The following SCAPER variants were observed in gnomAD, a reference collection of about 807,000 sequenced individuals.
The protein encoded by SCAPER is S phase cyclin A-associated protein in the endoplasmic reticulum.
A neutral mutation model predicts 182.2 loss-of-function variants in SCAPER; 98 were observed. The ratio of observed to expected loss-of-function variants is 0.54; its 90% CI spans 0.46 to 0.64. The LOEUF (loss-of-function observed/expected upper bound fraction) is 0.64, where lower values mean the gene tolerates loss of function less well. SCAPER is among the 30% of genes least tolerant of loss of function. The pLI is 0.00. For missense variants in SCAPER, 1,432 were observed against 1,690.0 expected (o/e 0.85, Z 2.68); for synonymous variants, 605 against 564.6 (o/e 1.07, Z -1.01).
intron 2 of SCAPER, among the ~76,000 whole-genome samples, chr15:76,870,010 T>C (rs892600740): frequency 2.0e-5 from 3 of 152,146 alleles, no homozygotes; most frequent in Admixed American, 6.5e-5. Flanking sequence ...AGAACTATCA[T>C]ATGTTCTCCC....
intron 5 of SCAPER, among the ~76,000 whole-genome samples, chr15:76,838,603 C>A (rs1421801329): frequency 3.3e-5 from 5 of 152,166 alleles, no homozygotes; most frequent in Non-Finnish European, 7.3e-5. Flanking sequence ...GCTACTCCAG[C>A]AAGTCTACTG....
At chr15:76,790,420 G>A (rs759570300) in intron 8 of SCAPER, among the ~76,000 whole-genome samples, 18 of 152,196 alleles carry the variant, frequency 1.2e-4, no homozygotes, top group Non-Finnish European at 8.8e-5. Context: ...AAGCCATCTT[G>A]ACCTGGAATG....
chr15:76,522,624 C>A (rs2144332346), intron 23 of SCAPER, among the ~76,000 whole-genome samples: 1 of 152,122 alleles, frequency 6.6e-6, no homozygotes, highest in East Asian at 1.9e-4. Context: ...ATAAGTATTT[C>A]AACCATAAAG....
chr15:76,658,614 C>T (rs975124203), intron 21 of SCAPER, among the ~76,000 whole-genome samples: 4 of 152,022 alleles, frequency 2.6e-5, no homozygotes, highest in African/African-American at 9.7e-5. Flanking sequence ...AGCAATCCTA[C>T]GTAAAAGAAC....
In SCAPER at chr15:76,348,616, A is replaced by G. The variant is rs1566969704; in HGVS notation, c.*17T>C. On this transcript the variant is annotated 3_prime_UTR_variant, in exon 32 of 32. Coordinates refer to ENST00000563290, the MANE Select transcript of SCAPER (RefSeq NM_020843.4). ...AATATTAACAAGGGTACTCAAATAC[A>G]GAATCAACCAAAACATTTATTTTTT... 6.7e-7 allele frequency: 1 copy of G among 1,482,318 alleles called. No individual in the cohort carries two copies. 91.8% of individuals were successfully genotyped at this position (1,482,318 alleles called of 1,614,324 possible). A position where few individuals can be genotyped will look rare whatever the true frequency, so the allele number is the denominator to read the frequency against.
rs556885335 is a variant in SCAPER at position 76,693,882 on chromosome 15, G to C, written c.2508+7876C>G. Among the ~76,000 whole-genome samples, 3 of 146,642 alleles carry C rather than the reference G, an allele frequency of 2.0e-5. No homozygotes were observed. The East Asian group carries it at 5.8e-4, about 28-fold the overall frequency. On this transcript the variant is annotated intron_variant, in intron 20 of 31. Transcript: ENST00000563290. ...TAGGCACAGAGTTTCAGATGTTCAA[G>C]ATAAAAAGAGTTCTGTGGATTAACA...
At chr15:76,665,534 G>GTA (rs1382485851) in intron 21 of SCAPER, 119 bp downstream of exon 21, 2 of 1,230,272 alleles carry the variant, frequency 1.6e-6, no homozygotes, top group African/African-American at 3.1e-5. Context: ...GCTCATCAGT[G>GTA]TTATTTCCAA....
chr15:76,559,212 T>A (rs1227267844), intron 23 of SCAPER, among the ~76,000 whole-genome samples: 1,473 of 146,844 alleles, frequency 0.01, 17 homozygotes, highest in Non-Finnish European at 0.013. Flanking sequence ...TTTTTTTTTT[T>A]TTTTTTTTTT....
intron 27 of SCAPER, among the ~76,000 whole-genome samples, chr15:76,402,080 T>C (rs2044500299): frequency 6.6e-6 from 1 of 152,122 alleles, no homozygotes; most frequent in African/African-American, 2.4e-5. Context: ...TGAGCTGAGA[T>C]AGTGCCTCTG....
At chr15:76,713,342 C>A (rs531037301) in intron 17 of SCAPER, among the ~76,000 whole-genome samples, 3 of 151,776 alleles carry the variant, frequency 2.0e-5, no homozygotes, top group Non-Finnish European at 4.4e-5. Context: ...ATGTTTATTG[C>A]GGCACTATTC....
chr15:76,552,690 G>C (rs1479425777), intron 23 of SCAPER, among the ~76,000 whole-genome samples: 3 of 152,102 alleles, frequency 2.0e-5, no homozygotes, highest in African/African-American at 4.8e-5. Flanking sequence ...GCAGTCTAGG[G>C]GTTTGCTGCA....
chr15:76,366,306 A>G (rs966531059), intron 29 of SCAPER, among the ~76,000 whole-genome samples: 2 of 152,220 alleles, frequency 1.3e-5, no homozygotes, highest in African/African-American at 4.8e-5. Flanking sequence ...GGGTGTTATG[A>G]GAACAGGAGG....
intron 4 of SCAPER, among the ~76,000 whole-genome samples, chr15:76,855,407 AG>A (rs1949644331): frequency 6.6e-6 from 1 of 151,064 alleles, no homozygotes; most frequent in Non-Finnish European, 1.5e-5. Context: ...TTGACACAAA[AG>A]CAAAATTTGA....
chr15:76,632,579 C>T (rs761886107), intron 21 of SCAPER, among the ~76,000 whole-genome samples: 24 of 152,174 alleles, frequency 1.6e-4, no homozygotes, highest in Middle Eastern at 3.4e-3. Context: ...TCATTATTAC[C>T]CATCTTCTGA....
intron 23 of SCAPER, among the ~76,000 whole-genome samples, chr15:76,572,919 T>TCTCACACACACACACA (rs1477852757): frequency 2.2e-5 from 3 of 135,174 alleles, no homozygotes; most frequent in African/African-American, 8.5e-5. Flanking sequence ...TCTCTCTCTC[T>TCTCACACACACACACA]CACACACACA....
Position 76,421,082 on chromosome 15 carries a change from C to T in SCAPER, c.3311+12996G>A, listed in dbSNP as rs1176787628. Among the ~76,000 whole-genome samples, 12 of 152,266 alleles carry T rather than the reference C, an allele frequency of 7.9e-5. No homozygotes were observed. In the South Asian group the frequency reaches 1.2e-3, roughly 16 times the overall value. On this transcript the variant is annotated intron_variant, in intron 26 of 31. Coordinates refer to ENST00000563290, the MANE Select transcript of SCAPER (RefSeq NM_020843.4). ...TGTGAATAGTGCCACAATAAACATA[C>T]GTGTGCATGTGTCTTTATAGCAGCA...
intron 24 of SCAPER, among the ~76,000 whole-genome samples, chr15:76,502,654 T>C (rs986634421): frequency 1.3e-5 from 2 of 152,108 alleles, no homozygotes; most frequent in African/African-American, 2.4e-5. Context: ...CACACCAACA[T>C]GGCACATGTA....
chr15:76,499,674 G>A (rs16968310), intron 24 of SCAPER, among the ~76,000 whole-genome samples: 14,265 of 152,128 alleles, frequency 0.094, 835 homozygotes, highest in African/African-American at 0.16. Flanking sequence ...GTGCTAAGCC[G>A]AACTATTCTC....
At chr15:76,425,059 T>C (rs569946175) in intron 26 of SCAPER, among the ~76,000 whole-genome samples, 6 of 152,360 alleles carry the variant, frequency 3.9e-5, no homozygotes, top group African/African-American at 1.4e-4. Flanking sequence ...CATTCTTCCC[T>C]TCATTTCAAC....
Sources: allele counts gnomAD v4.1 joint callset (sites outside exome capture counted in the v4.1 genomes callset), GRCh38; gene constraint gnomAD v4.1.1; transcripts MANE v1.5; gene names NCBI Gene and HGNC (gene_info 2026-07-23, HGNC 2026-07-21).